Variants in CORO7 observed in about 807,000 individuals in gnomAD.
The protein encoded by CORO7 is coronin-7.
CORO7 carries 107 observed loss-of-function variants against 126.6 expected under a neutral mutation model. The observed-to-expected ratio is 0.85, with a 90% CI of 0.72 to 0.99. The LOEUF is 0.99. Among genes scored for constraint, CORO7 ranks in the 50% least tolerant of loss-of-function variants. CORO7 has a pLI of 0.00. For missense variants in CORO7, 1,314 were observed against 1,255.8 expected, an observed-to-expected ratio of 1.05 and a Z score of -0.70; for synonymous variants, 603 against 536.8, an observed-to-expected ratio of 1.12 and a Z score of -1.70.
intron 9 of CORO7, chr16:4,381,817 C>T (rs1234755690): frequency 4.4e-6 from 7 of 1,600,436 alleles, no homozygotes; most frequent in Admixed American, 3.3e-5. Flanking sequence ...CCCCTGGGTG[C>T]GCGAGAGCCA....
intron 9 of CORO7, among the ~76,000 whole-genome samples, chr16:4,377,818 C>G (rs1203700744): frequency 6.6e-6 from 1 of 152,208 alleles, no homozygotes; most frequent in Admixed American, 6.5e-5. Flanking sequence ...CAAAAGAGCT[C>G]ACCGCACATT....
In CORO7 at chr16:4,401,734, G is replaced by C. The variant is rs141070140; in HGVS notation, c.564+3757C>G. On this transcript the variant is annotated intron_variant, in intron 6 of 27. Coordinates refer to ENST00000251166, the MANE Select transcript of CORO7 (RefSeq NM_024535.5). ...AGCAGGAGACAGGCAGGACACGAGC[G>C]ACAGCAAGCGACAGAGGCTCTCAGG... 4.0e-3 allele frequency among the ~76,000 whole-genome samples: 613 copies of C among 152,148 alleles called. 2 individuals carry two copies. Among genetic ancestry groups the C allele is most frequent in the African/African-American group, 0.014 (577 of 41,498 alleles).
chr16:4,395,981 GT>G lies in CORO7; in HGVS notation c.565-643del, dbSNP rs955934023. On this transcript the variant is annotated intron_variant, in intron 6 of 27. Coordinates refer to ENST00000251166, the MANE Select transcript of CORO7 (RefSeq NM_024535.5). ...ACCTTCTTTCTGTGGAACAATGTGT[GT>G]GTGCATGCACACGTTGTGTGTGTGT... 3.8e-4 allele frequency among the ~76,000 whole-genome samples: 31 copies of G among 82,560 alleles called. 1 individual carries two copies. The highest frequency in any genetic ancestry group is 1.6e-3 in the Admixed American group (13 of 8,110). 54.2% of individuals were successfully genotyped at this position (82,560 alleles called of 152,430 possible).
chr16:4,361,513 G>A (rs981439149), intron 16 of CORO7, 44 bp from the exon 17 acceptor site: 72 of 1,598,710 alleles, frequency 4.5e-5, no homozygotes, highest in Non-Finnish European at 5.6e-5. Context: ...GTACCAGGCA[G>A]AAAAGCCAGT....
At chr16:4,372,438 T>A (rs1040809144) in intron 9 of CORO7, among the ~76,000 whole-genome samples, 3 of 152,208 alleles carry the variant, frequency 2.0e-5, no homozygotes, top group African/African-American at 7.2e-5. Flanking sequence ...TGGACCCTTG[T>A]CACTCAAAGC....
In CORO7 at chr16:4,362,251, C is replaced by T; in HGVS notation, c.1403-91G>A. ...GAGTCCCGGCTGCCCACTCCCCTCA[C>T]CCCAGGTGGATGTACAGCATGGACC... On this transcript the variant is annotated intron_variant, in intron 15 of 27. Coordinates refer to ENST00000251166, the MANE Select transcript of CORO7 (RefSeq NM_024535.5). The surrounding 1 kb of genome is among the most constrained non-coding windows in gnomAD (Gnocchi z 5.3). 4 of 1,489,588 alleles carry T rather than the reference C, an allele frequency of 2.7e-6. No homozygotes were observed. The South Asian group carries it at 4.0e-5, about 15-fold the overall frequency. The allele number at this position is 1,489,588 out of a possible 1,614,324, so 92.3% of individuals were successfully genotyped here. A position where few individuals can be genotyped will look rare whatever the true frequency, so the allele number is the denominator to read the frequency against.
intron 9 of CORO7, 90 bp downstream of exon 9, chr16:4,387,896 C>G: frequency 6.6e-7 from 1 of 1,521,918 alleles, no homozygotes; most frequent in African/African-American, 1.4e-5. Context: ...GGAGATCAGC[C>G]CGCCTCACTG....
chr16:4,362,245 C>T lies in CORO7; in HGVS notation c.1403-85G>A, dbSNP rs1488885138. The T allele has an allele frequency of 6.7e-7, 1 of 1,502,722 alleles. No individual in the cohort carries two copies. Among genetic ancestry groups the T allele is most frequent in the East Asian group, 2.4e-5 (1 of 42,418 alleles). The allele number at this position is 1,502,722 out of a possible 1,614,324, so 93.1% of individuals were successfully genotyped here. A position where few individuals can be genotyped will look rare whatever the true frequency, so the allele number is the denominator to read the frequency against. On this transcript the variant is annotated intron_variant, in intron 15 of 27. Transcript: ENST00000251166. This position sits in a 1 kb window ranked among gnomAD's most constrained non-coding sequence, Gnocchi z 5.3. ...CTCTTTGAGTCCCGGCTGCCCACTC[C>T]CCTCACCCCAGGTGGATGTACAGCA... is the stretch of plus-strand genomic sequence containing the variant.
intron 9 of CORO7, among the ~76,000 whole-genome samples, chr16:4,386,331 G>A (rs956886746): frequency 1.9e-4 from 29 of 152,246 alleles, no homozygotes; most frequent in Admixed American, 1.5e-3. Flanking sequence ...CACTGGGGCC[G>A]GGCAGGAGAC....
chr16:4,385,675 G>C (rs1022799765), intron 9 of CORO7, among the ~76,000 whole-genome samples: 1 of 152,134 alleles, frequency 6.6e-6, no homozygotes, highest in Admixed American at 6.5e-5. Context: ...CTTGGTGTTC[G>C]AGGCTGGCCT....
At chr16:4,388,449 C>A in intron 8 of CORO7, 96 bp downstream of exon 8, 1 of 1,385,792 alleles carries the variant, frequency 7.2e-7, no homozygotes, top group East Asian at 2.5e-5. Context: ...GGAACTGGCC[C>A]TCAGTCCCCC....
intron 9 of CORO7, chr16:4,371,739 G>A (rs1466508773): frequency 6.6e-6 from 1 of 152,232 alleles, no homozygotes; most frequent in Non-Finnish European, 1.5e-5. Context: ...GGTGGGGAAG[G>A]GGCGTGTCTC....
intron 9 of CORO7, among the ~76,000 whole-genome samples, chr16:4,384,881 G>A (rs765466022): frequency 6.6e-6 from 1 of 152,210 alleles, no homozygotes; most frequent in African/African-American, 2.4e-5. Context: ...GGGCCTTTGT[G>A]GGCCTGAGGC....
At chr16:4,368,370 C>T (rs1169019355) in intron 9 of CORO7, among the ~76,000 whole-genome samples, 1 of 151,786 alleles carries the variant, frequency 6.6e-6, no homozygotes, top group Non-Finnish European at 1.5e-5. Context: ...AAAAATTAGC[C>T]TGCTGTGGTA....
intron 26 of CORO7, among the ~76,000 whole-genome samples, chr16:4,356,233 G>A (rs752355038): frequency 2.0e-4 from 30 of 152,130 alleles, no homozygotes; most frequent in African/African-American, 5.1e-4. Context: ...GATTACAGGC[G>A]TGAGCCACCA....
chr16:4,408,419 C>T (rs1016791376), intron 3 of CORO7, among the ~76,000 whole-genome samples, 168 bp from the exon 4 acceptor site: 7 of 152,198 alleles, frequency 4.6e-5, no homozygotes, highest in Admixed American at 1.3e-4. Flanking sequence ...GCCCCTCCTG[C>T]GACATACGTC....
At chr16:4,404,073 A>G (rs950255873) in intron 6 of CORO7, among the ~76,000 whole-genome samples, 4 of 152,130 alleles carry the variant, frequency 2.6e-5, no homozygotes, top group Admixed American at 2.0e-4. Context: ...CAGAGGAAAA[A>G]CTGATCAAGA....
chr16:4,370,854 G>A (rs1428434486), intron 9 of CORO7, among the ~76,000 whole-genome samples: 1 of 152,218 alleles, frequency 6.6e-6, no homozygotes, highest in Non-Finnish European at 1.5e-5. Context: ...CAAGGGCCTT[G>A]GCTACAGGCC....
chr16:4,367,448 T>C (rs1023233256), intron 9 of CORO7, among the ~76,000 whole-genome samples: 4 of 152,188 alleles, frequency 2.6e-5, no homozygotes, highest in Non-Finnish European at 2.9e-5. Flanking sequence ...TCGACCTGCA[T>C]GTAGGTATGC....
Sources: allele counts gnomAD v4.1 joint callset (sites outside exome capture counted in the v4.1 genomes callset), GRCh38; gene constraint gnomAD v4.1.1; non-coding constraint Gnocchi (gnomAD v3.1); transcripts MANE v1.5; gene names NCBI Gene and HGNC (gene_info 2026-07-23, HGNC 2026-07-21).